The following ABCB1 variants were observed in gnomAD, a reference collection of about 807,000 sequenced individuals.
The protein encoded by ABCB1 is ATP binding cassette subfamily B member 1.
In ABCB1, 69 loss-of-function variants were observed where a neutral mutation model predicts 142.0. The ratio of observed to expected loss-of-function variants is 0.49; its 90% CI spans 0.40 to 0.59. The LOEUF (loss-of-function observed/expected upper bound fraction) is 0.59, where lower values mean the gene tolerates loss of function less well. Among genes scored for constraint, ABCB1 ranks in the 20% least tolerant of loss-of-function variants. The pLI is 0.00. For synonymous variants in ABCB1, 532 were observed against 539.2 expected, an observed-to-expected ratio of 0.99 and a Z score of 0.18; for missense variants, 1,326 against 1,554.7, an observed-to-expected ratio of 0.85 and a Z score of 2.47.
intron 5 of ABCB1, 65 bp from the exon 6 acceptor site, chr7:87,567,041 G>T: frequency 2.0e-6 from 3 of 1,476,690 alleles, no homozygotes; most frequent in South Asian, 2.3e-5. Context: ...TTTCCAAAGA[G>T]ACCACTCATT....
At chr7:87,626,100 T>TC (rs1563079546) in intron 1 of ABCB1, among the ~76,000 whole-genome samples, 2 of 90,902 alleles carry the variant, frequency 2.2e-5, no homozygotes, top group African/African-American at 1.2e-4. Flanking sequence ...ATATATATAT[T>TC]GTCATATATA....
chr7:87,628,584 CGTGTGTGTGTGTGTGTGT>C lies in ABCB1; in HGVS notation c.-330-27524_-330-27507del, dbSNP rs71117546. On this transcript the variant is annotated intron_variant, in intron 1 of 28. Coordinates refer to the ABCB1 transcript ENST00000265724. The stretch of plus-strand genomic sequence containing the variant: ...CGAGGGCGGAGGTGGTGCGTGCGTG[CGTGTGTGTGTGTGTGTGT>C]GTGTGTGTGTGTGTGTGTGTGTGGA... 2.1e-4 allele frequency: 62 copies of C among 290,760 alleles called. 1 individual carries two copies. Among genetic ancestry groups the C allele is most frequent in the African/African-American group, 2.4e-4 (10 of 41,764 alleles). 18.0% of individuals were successfully genotyped at this position (290,760 alleles called of 1,614,324 possible). A position where few individuals can be genotyped will look rare whatever the true frequency, so the allele number is the denominator to read the frequency against.
chr7:87,539,212 A>T, intron 19 of ABCB1, 56 bp downstream of exon 19: 1 of 1,547,530 alleles, frequency 6.5e-7, no homozygotes, highest in African/African-American at 1.4e-5. Flanking sequence ...TCTGAGTCCA[A>T]GGGGCACACA....
Position 87,566,924 on chromosome 7 carries a change from T to C in ABCB1, c.391A>G (p.Ile131Val), listed in dbSNP as rs1185744873. ...IGAGVLVAAYIQVSFWCLAAG... is the reference protein window; with the variant it reads ...IGAGVLVAAYVQVSFWCLAAG... ...GCCAGGCACCAAAATGAAACCTGAATGTAAGCAGCAACCAGCACCCCAGCA... is the reference window on the plus strand; with the variant it reads ...GCCAGGCACCAAAATGAAACCTGAACGTAAGCAGCAACCAGCACCCCAGCA... The change falls in exon 6 of 28, where the codon ATT becomes GTT. Residue 131 changes from isoleucine (I) to valine (V), a missense_variant. Transcript: ENST00000622132. 3 of 1,614,120 alleles carry C rather than the reference T, an allele frequency of 1.9e-6. No homozygotes were observed. The highest frequency in any genetic ancestry group is 1.3e-5 in the African/African-American group (1 of 75,020).
At chr7:87,564,293 A>G in intron 7 of ABCB1, 1 of 323,862 alleles carries the variant, frequency 3.1e-6, no homozygotes, top group Non-Finnish European at 6.0e-6. Flanking sequence ...TTTAATATTC[A>G]GAGTGTTTGT....
chr7:87,568,887 T>A (rs1364894321), intron 5 of ABCB1, among the ~76,000 whole-genome samples: 1 of 152,238 alleles, frequency 6.6e-6, no homozygotes, highest in African/African-American at 2.4e-5. Flanking sequence ...AATAAGTTAA[T>A]GTATTTTAAA....
At chr7:87,703,865 G>C (rs1359231663) in intron 1 of ABCB1, among the ~76,000 whole-genome samples, 1 of 86,922 alleles carries the variant, frequency 1.2e-5, no homozygotes, top group Non-Finnish European at 2.4e-5. Context: ...TGCATCTTAG[G>C]TGAGCTTTAT....
At chr7:87,701,530 G>A (rs1829035306) in intron 1 of ABCB1, among the ~76,000 whole-genome samples, 1 of 152,142 alleles carries the variant, frequency 6.6e-6, no homozygotes, top group African/African-American at 2.4e-5. Context: ...TCAGTTCGTG[G>A]AATTACAAAA....
chr7:87,527,727 C>A (rs1006913347), intron 21 of ABCB1, among the ~76,000 whole-genome samples: 8 of 152,248 alleles, frequency 5.3e-5, no homozygotes, highest in South Asian at 2.1e-4. Flanking sequence ...ACTGCTCCTG[C>A]TGAGATTGTT....
chr7:87,511,761 G>A (rs1290766394), intron 25 of ABCB1, among the ~76,000 whole-genome samples: 1 of 152,190 alleles, frequency 6.6e-6, no homozygotes, highest in African/African-American at 2.4e-5. Context: ...AAGATATTTT[G>A]TGTCCCCCCT....
At chr7:87,590,597 GA>G (rs1433376924) in intron 3 of ABCB1, among the ~76,000 whole-genome samples, 1 of 152,192 alleles carries the variant, frequency 6.6e-6, no homozygotes, top group Non-Finnish European at 1.5e-5. Flanking sequence ...TTCCAGGCAG[GA>G]AGAGCCAATG....
intron 23 of ABCB1, 130 bp from the exon 24 acceptor site, chr7:87,516,795 A>G (rs1815273999): frequency 2.2e-6 from 2 of 904,676 alleles, no homozygotes; most frequent in South Asian, 1.6e-5. Flanking sequence ...GGAGTGCAGT[A>G]GTGCAATCAG....
intron 5 of ABCB1, among the ~76,000 whole-genome samples, chr7:87,569,952 A>C (rs1364715037): frequency 1.3e-5 from 2 of 152,182 alleles, no homozygotes; most frequent in Non-Finnish European, 2.9e-5. Context: ...GATATTCTAC[A>C]TTGATCAATG....
intron 1 of ABCB1, among the ~76,000 whole-genome samples, chr7:87,668,839 G>C (rs141738270): frequency 6.6e-6 from 1 of 152,258 alleles, no homozygotes; most frequent in East Asian, 1.9e-4. Context: ...TGATCCAAGA[G>C]TGTGTTTGGT....
Position 87,539,235 on chromosome 7 carries a change from C to T in ABCB1, c.2397+33G>A, listed in dbSNP as rs201069258. On this transcript the variant is annotated intron_variant, in intron 19 of 27. Transcript: ENST00000622132. ...CAAGGGGCACACATGGGGAGTTCTA[C>T]ACATCCCAGGGCACAGCCCTCGATA... The T allele has an allele frequency of 1.2e-4, 189 of 1,602,080 alleles. 1 individual carries two copies. In the South Asian group the frequency reaches 2.0e-3, roughly 17 times the overall value.
intron 15 of ABCB1, 75 bp downstream of exon 15, chr7:87,545,788 A>G (rs1476506297): frequency 6.8e-7 from 1 of 1,479,340 alleles, no homozygotes; most frequent in African/African-American, 1.4e-5. Context: ...ATCAAATAAT[A>G]TTTATTTTTA....
intron 21 of ABCB1, among the ~76,000 whole-genome samples, chr7:87,523,811 C>T (rs1053295856): frequency 1.3e-5 from 2 of 152,158 alleles, no homozygotes; most frequent in African/African-American, 4.8e-5. Context: ...AACCAACATG[C>T]TGTCTCATTT....
intron 1 of ABCB1, among the ~76,000 whole-genome samples, chr7:87,617,680 A>G (rs1820074794): frequency 6.6e-6 from 1 of 152,202 alleles, no homozygotes; most frequent in African/African-American, 2.4e-5. Context: ...GTGCTGTGAA[A>G]TCATTTTGGG....
intron 3 of ABCB1, among the ~76,000 whole-genome samples, chr7:87,593,142 G>A (rs547556886): frequency 1.3e-5 from 2 of 152,160 alleles, no homozygotes; most frequent in South Asian, 4.2e-4. Context: ...GCCCAGGCTG[G>A]TCTTGAACTT....
Sources: gnomAD v4.1 joint callset for allele counts (sites outside exome capture counted in the v4.1 genomes callset) on GRCh38, gnomAD v4.1.1 for gene constraint, MANE v1.5 for transcripts, NCBI Gene and HGNC (gene_info 2026-07-23, HGNC 2026-07-21) for gene names.